CMIP: variants seen among roughly 807,000 people sequenced by gnomAD.
CMIP encodes c-Maf inducing protein.
Under a neutral mutation model 97.3 loss-of-function variants are expected in CMIP, and 13 were observed. The observed-to-expected ratio is 0.13, with a 90% CI of 0.09 to 0.21. CMIP has a LOEUF of 0.21. Ranked by LOEUF, CMIP falls within the 10% of genes least tolerant of loss-of-function variation. CMIP has a pLI of 1.00. For missense variants in CMIP, 847 were observed against 1,024.9 expected, an observed-to-expected ratio of 0.83 and a Z score of 2.37; for synonymous variants, 538 against 436.3, an observed-to-expected ratio of 1.23 and a Z score of -2.91.
chr16:81,609,207 A>C (rs1295914794), intron 2 of CMIP, among the ~76,000 whole-genome samples: 1 of 144,906 alleles, frequency 6.9e-6, no homozygotes, highest in East Asian at 2.2e-4. Flanking sequence ...ACAGCCAGCA[A>C]AGCCTTCCTC....
rs1354342275 is a variant in CMIP, at chr16:81,627,796, C to T, written c.477+6870C>T. 6.6e-6 allele frequency among the ~76,000 whole-genome samples: 1 copy of T among 152,192 alleles called. No individual in the cohort carries two copies. Among genetic ancestry groups the T allele is most frequent in the Non-Finnish European group, 1.5e-5 (1 of 68,024 alleles). ...GAGGGTCACAATCTCGCTTCCACCTCATGAGTGGCTGCGGCGCCTCGGGAA... is the reference window on the plus strand; with the variant it reads ...GAGGGTCACAATCTCGCTTCCACCTTATGAGTGGCTGCGGCGCCTCGGGAA... On this transcript the variant is annotated intron_variant, in intron 3 of 20. Coordinates refer to ENST00000537098, the MANE Select transcript of CMIP (RefSeq NM_198390.3). The surrounding 1 kb of genome is among the most constrained non-coding windows in gnomAD (Gnocchi z 4.6).
At chr16:81,533,509 C>T (rs1413765544) in intron 1 of CMIP, among the ~76,000 whole-genome samples, 14 of 152,144 alleles carry the variant, frequency 9.2e-5, no homozygotes, top group African/African-American at 2.7e-4. Flanking sequence ...GACGGAGTCT[C>T]TTTTTGTCAC....
chr16:81,564,869 G>T (rs191403903), intron 1 of CMIP, among the ~76,000 whole-genome samples: 2 of 152,136 alleles, frequency 1.3e-5, no homozygotes, highest in African/African-American at 4.8e-5. Flanking sequence ...GAATGAATTC[G>T]CAGAGGAGAA....
intron 1 of CMIP, among the ~76,000 whole-genome samples, chr16:81,567,166 G>T (rs2090997367): frequency 6.6e-6 from 1 of 152,256 alleles, no homozygotes; most frequent in South Asian, 2.1e-4. Flanking sequence ...TCGGAGCCAT[G>T]TGTCCGGCTG....
chr16:81,537,326 G>C (rs1412880838), intron 1 of CMIP, among the ~76,000 whole-genome samples: 1 of 152,052 alleles, frequency 6.6e-6, no homozygotes, highest in Non-Finnish European at 1.5e-5. Flanking sequence ...CTTGAGGCCA[G>C]GAGTTCAAGA....
At chr16:81,600,432 C>T (rs890238219) in intron 1 of CMIP, among the ~76,000 whole-genome samples, 1 of 152,174 alleles carries the variant, frequency 6.6e-6, no homozygotes, top group African/African-American at 2.4e-5. Context: ...GCGGTTCCGA[C>T]TCATGCCATA....
intron 1 of CMIP, among the ~76,000 whole-genome samples, chr16:81,541,015 G>A (rs1254589129): frequency 1.3e-5 from 2 of 149,714 alleles, no homozygotes; most frequent in Admixed American, 1.3e-4. Context: ...TTATCAGTCC[G>A]TGGGCTTATT....
intron 1 of CMIP, among the ~76,000 whole-genome samples, chr16:81,502,802 A>G (rs985839610): frequency 6.6e-6 from 1 of 152,234 alleles, no homozygotes; most frequent in African/African-American, 2.4e-5. Flanking sequence ...AAGAAGCAAG[A>G]AAAAGCCTTC....
chr16:81,498,726 C>G (rs747676600), intron 1 of CMIP, among the ~76,000 whole-genome samples: 2 of 152,190 alleles, frequency 1.3e-5, no homozygotes, highest in African/African-American at 2.4e-5. Context: ...TGCACTCCCC[C>G]AGGCGTCATG....
rs1597469735 is a variant in CMIP, at chr16:81,488,718, G to A, written c.300+43177G>A. On this transcript the variant is annotated intron_variant, in intron 1 of 20. Coordinates refer to ENST00000537098, the MANE Select transcript of CMIP (RefSeq NM_198390.3). Reference sequence around the variant, plus strand: ...TCCTGTGACTTTCAGGAGAGCCTTGGGAGGGCACAGAACCTCTGTACTCCT... The same window carrying A: ...TCCTGTGACTTTCAGGAGAGCCTTGAGAGGGCACAGAACCTCTGTACTCCT... Among the ~76,000 whole-genome samples, 8 of 152,102 alleles carry A rather than the reference G, an allele frequency of 5.3e-5. No homozygotes were observed. In the South Asian group the frequency reaches 1.5e-3, roughly 28 times the overall value.
At chr16:81,503,948 A>ATT (rs1363108003) in intron 1 of CMIP, among the ~76,000 whole-genome samples, 1 of 152,212 alleles carries the variant, frequency 6.6e-6, no homozygotes, top group Non-Finnish European at 1.5e-5. Flanking sequence ...TGGACTTTAT[A>ATT]TTTAAATCCT....
At chr16:81,471,060 T>C (rs1264026956) in intron 1 of CMIP, among the ~76,000 whole-genome samples, 2 of 152,066 alleles carry the variant, frequency 1.3e-5, no homozygotes, top group African/African-American at 4.8e-5. Context: ...GCACAATGCG[T>C]GCATACAAAT....
At chr16:81,704,820 A>G (rs1907942060) in intron 18 of CMIP, among the ~76,000 whole-genome samples, 1 of 148,312 alleles carries the variant, frequency 6.7e-6, no homozygotes. Flanking sequence ...CCCTGAGGCT[A>G]GAGGAGGTTG....
intron 1 of CMIP, among the ~76,000 whole-genome samples, chr16:81,593,889 G>A (rs2091505024): frequency 6.6e-6 from 1 of 152,064 alleles, no homozygotes; most frequent in Non-Finnish European, 1.5e-5. Flanking sequence ...GGTGCTCTCT[G>A]CAAACACCCT....
At chr16:81,653,390 C>T (rs900538111) in intron 4 of CMIP, among the ~76,000 whole-genome samples, 1 of 152,218 alleles carries the variant, frequency 6.6e-6, no homozygotes, top group Non-Finnish European at 1.5e-5. Flanking sequence ...TAGAGAAGGT[C>T]CCTCACTCCA....
intron 3 of CMIP, among the ~76,000 whole-genome samples, chr16:81,636,484 G>C (rs930185769): frequency 2.0e-5 from 3 of 151,726 alleles, no homozygotes; most frequent in African/African-American, 7.3e-5. Context: ...GGGAGGCTGA[G>C]GCATGAGAAT....
intron 1 of CMIP, among the ~76,000 whole-genome samples, chr16:81,507,764 G>A (rs991148216): frequency 2.0e-5 from 3 of 152,154 alleles, no homozygotes; most frequent in Non-Finnish European, 4.4e-5. Flanking sequence ...CTCCTGGTTG[G>A]GGTGGCCGCA....
At chr16:81,474,686 C>T (rs1907778001) in intron 1 of CMIP, among the ~76,000 whole-genome samples, 2 of 152,218 alleles carry the variant, frequency 1.3e-5, no homozygotes, top group Admixed American at 6.5e-5. Context: ...TGTCCGCCTG[C>T]GGAGGGGCCT....
intron 7 of CMIP, among the ~76,000 whole-genome samples, chr16:81,669,037 CCACACTCTCCTCCTTCCACACCCACCTCT>C (rs1597222593): frequency 6.8e-6 from 1 of 146,140 alleles, no homozygotes; most frequent in East Asian, 2.1e-4. Flanking sequence ...TCCACACCCA[CCACACTCTCCTCCTTCCACACCCACCTCT>C]CACACTCACC....
Sources: allele counts gnomAD v4.1 joint callset (sites outside exome capture counted in the v4.1 genomes callset), GRCh38; gene constraint gnomAD v4.1.1; non-coding constraint Gnocchi (gnomAD v3.1); transcripts MANE v1.5; gene names NCBI Gene and HGNC (gene_info 2026-07-23, HGNC 2026-07-21).